ZBBX: variants seen among roughly 807,000 people sequenced by gnomAD.
ZBBX encodes the protein zinc finger B-box domain-containing protein 1.
A neutral mutation model predicts 108.5 loss-of-function variants in ZBBX; 101 were observed. That is an observed-to-expected ratio of 0.93 (90% CI 0.79 to 1.10). ZBBX has a LOEUF of 1.10. ZBBX is among the 50% of genes least tolerant of loss of function. The pLI is 0.00. For synonymous variants in ZBBX, 356 were observed against 323.4 expected (o/e 1.10, Z -1.08); for missense variants, 1,009 against 941.4 (o/e 1.07, Z -0.94).
In ZBBX at chr3:167,365,872, T is replaced by C. The variant is rs1560188659; in HGVS notation, c.273+14A>G. 2 of 1,577,130 alleles carry C rather than the reference T, an allele frequency of 1.3e-6. No homozygotes were observed. Among genetic ancestry groups the C allele is most frequent in the Non-Finnish European group, 1.7e-6 (2 of 1,152,290 alleles). On this transcript the variant is annotated intron_variant, in intron 6 of 21. Coordinates refer to ENST00000675490, the MANE Select transcript of ZBBX (RefSeq NM_001199201.2). ...CTTAGCAAAATGCATAAGAATCAAA[T>C]AGTATCTTCTTACCTTAACAACATT...
At chr3:167,228,924 T>C in the ZBBX span, among the ~76,000 whole-genome samples, 8 of 151,764 alleles carry the variant, frequency 5.3e-5, no homozygotes, top group African/African-American at 1.9e-4. Context: ...TTGCTCTTTT[T>C]CCACCCTGTT....
Position 167,298,431 on chromosome 3 carries a change from T to TATA in ZBBX, c.1752_1753insTAT (p.Ser584_Lys585insTyr). 1 of 1,530,870 alleles carries TATA rather than the reference T, an allele frequency of 6.5e-7. No individual in the cohort carries two copies. The highest frequency in any genetic ancestry group is 8.8e-7 in the Non-Finnish European group (1 of 1,130,576). The allele number at this position is 1,530,870 out of a possible 1,614,324, so 94.8% of individuals were successfully genotyped here. On this transcript the variant is annotated inframe_insertion, in exon 18 of 22. Coordinates refer to ENST00000675490, the MANE Select transcript of ZBBX (RefSeq NM_001199201.2). ...CCTTGATATTGTTTTGTTATAGGCT[T>TATA]ACTTCTGCAGGCTATTTCTTGTAAC...
chr3:167,322,276 A>G lies in ZBBX; in HGVS notation c.863-39T>C, dbSNP rs755859559. ...CACAATGTGCATAATTAAAATAAGCAAGTTTACAAATTACTATATCTTCTC... is the reference window on the plus strand; with the variant it reads ...CACAATGTGCATAATTAAAATAAGCGAGTTTACAAATTACTATATCTTCTC... On this transcript the variant is annotated intron_variant, in intron 11 of 21. Transcript: ENST00000675490. 4 of 1,414,228 alleles carry G rather than the reference A, an allele frequency of 2.8e-6. No homozygotes were observed. In the Admixed American group the frequency reaches 1.1e-4, roughly 40 times the overall value. 87.6% of individuals were successfully genotyped at this position (1,414,228 alleles called of 1,614,324 possible).
chr3:167,282,202 T>C lies in ZBBX; in HGVS notation c.2254+36A>G, dbSNP rs1728930634. 6 of 1,568,542 alleles carry C rather than the reference T, an allele frequency of 3.8e-6. No homozygotes were observed. The South Asian group carries it at 4.8e-5, about 13-fold the overall frequency. ...GAATCCGGCTGAGGGCAGAGTTAAT[T>C]AGCATTATCTAAAGTGAAAAAAAAA... On this transcript the variant is annotated intron_variant, in intron 20 of 21. Coordinates refer to ENST00000675490, the MANE Select transcript of ZBBX (RefSeq NM_001199201.2).
intron 10 of ZBBX, among the ~76,000 whole-genome samples, chr3:167,328,489 GT>G (rs879754287): frequency 4.6e-4 from 69 of 150,956 alleles, no homozygotes; most frequent in Non-Finnish European, 8.6e-4. Flanking sequence ...AAAAAACAGG[GT>G]TTTTTTTTAA....
the ZBBX span, among the ~76,000 whole-genome samples, chr3:167,207,164 C>T: frequency 6.6e-6 from 1 of 152,074 alleles, no homozygotes; most frequent in African/African-American, 2.4e-5. Flanking sequence ...GCAAAGGAGA[C>T]AATCACTGAA....
intron 1 of ZBBX, among the ~76,000 whole-genome samples, chr3:167,396,132 T>A (rs1748229340): frequency 6.6e-6 from 1 of 152,006 alleles, no homozygotes; most frequent in South Asian, 2.1e-4. Flanking sequence ...CCTGAATAGA[T>A]CTAAGTTATG....
At chr3:167,350,692 T>A (rs1233981463) in intron 8 of ZBBX, among the ~76,000 whole-genome samples, 177 bp from the exon 9 acceptor site, 1 of 151,598 alleles carries the variant, frequency 6.6e-6, no homozygotes, top group African/African-American at 2.4e-5. Flanking sequence ...TGGGACTAGT[T>A]GTCCCAGTTA....
chr3:167,194,368 G>A, the ZBBX span, among the ~76,000 whole-genome samples: 3 of 152,062 alleles, frequency 2.0e-5, no homozygotes, highest in Non-Finnish European at 4.4e-5. Flanking sequence ...AAGGTTAGAA[G>A]GGAAGATATG....
Position 167,278,661 on chromosome 3 carries a change from T to C in ZBBX, c.2254+3577A>G, listed in dbSNP as rs939103146. On this transcript the variant is annotated intron_variant, in intron 20 of 21. Coordinates refer to ENST00000675490, the MANE Select transcript of ZBBX (RefSeq NM_001199201.2). ...ACCAGATGGATTCACAGCCGAATTC[T>C]ACCAGAGGTACAAGGAGGAACTGGT... 8.6e-3 allele frequency among the ~76,000 whole-genome samples: 1,311 copies of C among 151,734 alleles called. 22 individuals carry two copies. Among genetic ancestry groups the C allele is most frequent in the African/African-American group, 0.03 (1,235 of 41,288 alleles).
chr3:167,262,943 C>T (rs1219432689), intron 20 of ZBBX, among the ~76,000 whole-genome samples: 1 of 150,852 alleles, frequency 6.6e-6, no homozygotes, highest in Non-Finnish European at 1.5e-5. Context: ...GTGTTGTTTT[C>T]TTCCATTCAA....
At chr3:167,299,453 C>T (rs1182372611) in intron 17 of ZBBX, among the ~76,000 whole-genome samples, 1 of 152,048 alleles carries the variant, frequency 6.6e-6, no homozygotes, top group South Asian at 2.1e-4. Flanking sequence ...TCTACTGAAG[C>T]TTATATTTGA....
chr3:167,225,789 C>T, the ZBBX span, among the ~76,000 whole-genome samples: 1 of 151,750 alleles, frequency 6.6e-6, no homozygotes, highest in South Asian at 2.1e-4. Context: ...TGGGATCTTC[C>T]TCTGATGGTT....
the ZBBX span, among the ~76,000 whole-genome samples, chr3:167,181,365 A>G: frequency 6.6e-6 from 1 of 152,212 alleles, no homozygotes. Flanking sequence ...GAATGGTCCC[A>G]GGTTGTCCAT....
At chr3:167,180,127 T>C in the ZBBX span, among the ~76,000 whole-genome samples, 5 of 152,334 alleles carry the variant, frequency 3.3e-5, no homozygotes, top group South Asian at 2.1e-4. Context: ...AGTAGGTGAA[T>C]GCTGGGTTGA....
At chr3:167,344,201 G>C (rs10936531) in intron 9 of ZBBX, among the ~76,000 whole-genome samples, 125,349 of 151,654 alleles carry the variant, frequency 0.83, 51,932 homozygotes, top group East Asian at 0.94. Flanking sequence ...TATTGGTCCC[G>C]AGAATATAGG....
intron 10 of ZBBX, 140 bp from the exon 11 acceptor site, chr3:167,328,256 AG>A: frequency 1.2e-6 from 1 of 861,910 alleles, no homozygotes; most frequent in Non-Finnish European, 1.7e-6. Context: ...TTTTAAACTT[AG>A]AATATTTTTA....
intron 12 of ZBBX, among the ~76,000 whole-genome samples, chr3:167,319,781 T>A (rs772858441): frequency 6.6e-6 from 1 of 152,038 alleles, no homozygotes; most frequent in East Asian, 1.9e-4. Flanking sequence ...TATGTATACA[T>A]ACATATATAT....
At chr3:167,245,695 C>A (rs1347878811) in intron 20 of ZBBX, among the ~76,000 whole-genome samples, 1 of 152,140 alleles carries the variant, frequency 6.6e-6, no homozygotes, top group Admixed American at 6.5e-5. Context: ...TCTCATCCAC[C>A]CCTTCCTCCT....
Sources: gnomAD v4.1 joint callset for allele counts (sites outside exome capture counted in the v4.1 genomes callset) on GRCh38, gnomAD v4.1.1 for gene constraint, MANE v1.5 for transcripts, NCBI Gene and HGNC (gene_info 2026-07-23, HGNC 2026-07-21) for gene names.